Variants in PLS1 observed in about 807,000 individuals in gnomAD.
PLS1 encodes the protein plastin 1.
In PLS1, 32 loss-of-function variants were observed where a neutral mutation model predicts 73.7. That is an observed-to-expected ratio of 0.43 (90% CI 0.33 to 0.58). The LOEUF (loss-of-function observed/expected upper bound fraction) is 0.58. Ranked by LOEUF, PLS1 falls within the 20% of genes least tolerant of loss-of-function variation. The pLI is 0.04. For missense variants in PLS1, 633 were observed against 740.5 expected (o/e 0.85, Z 1.68); for synonymous variants, 217 against 261.3 (o/e 0.83, Z 1.63).
intron 14 of PLS1, among the ~76,000 whole-genome samples, chr3:142,710,590 C>A (rs1326613044): frequency 2.6e-5 from 4 of 152,104 alleles, no homozygotes; most frequent in Non-Finnish European, 5.9e-5. Flanking sequence ...ACTCCTGGAA[C>A]TATGAATGTC....
At chr3:142,633,812 C>G (rs2036619069) in intron 1 of PLS1, among the ~76,000 whole-genome samples, 1 of 152,070 alleles carries the variant, frequency 6.6e-6, no homozygotes, top group African/African-American at 2.4e-5. Flanking sequence ...TAAAAAATTA[C>G]CAGGCATGCA....
chr3:142,704,712 G>T lies in PLS1; in HGVS notation c.1629+126G>T, dbSNP rs1032172715. On this transcript the variant is annotated intron_variant, in intron 14 of 15. Transcript: ENST00000457734. Reference sequence around the variant, plus strand: ...CACCCAGGCTGGTGTGCAGTGGCGCGATCTTGGCTCACTGCAAGCTCTGCC... The same window carrying T: ...CACCCAGGCTGGTGTGCAGTGGCGCTATCTTGGCTCACTGCAAGCTCTGCC... The T allele has an allele frequency of 7.2e-5, 32 of 442,732 alleles. No individual in the cohort carries two copies. The South Asian group carries it at 9.4e-4, about 13-fold the overall frequency. The allele number at this position is 442,732 out of a possible 1,614,324, so 27.4% of individuals were successfully genotyped here.
chr3:142,648,691 A>G (rs1286241025), intron 1 of PLS1, among the ~76,000 whole-genome samples: 2 of 152,236 alleles, frequency 1.3e-5, no homozygotes, highest in African/African-American at 4.8e-5. Context: ...AGCTGTACCT[A>G]TGTTAGATAT....
chr3:142,673,189 A>G (rs1015982620), intron 4 of PLS1, among the ~76,000 whole-genome samples: 1 of 152,006 alleles, frequency 6.6e-6, no homozygotes, highest in African/African-American at 2.4e-5. Flanking sequence ...ATGCCTCCCA[A>G]ATGTGTACCA....
In PLS1 at chr3:142,697,591, T is replaced by C. The variant is rs1189154382; in HGVS notation, c.1257-362T>C. The stretch of plus-strand genomic sequence containing the variant: ...CTGCCATTTTCTTTTTAAAATTTGA[T>C]ATGTCTTGCAAAGCTTTTCATATCA... On this transcript the variant is annotated intron_variant, in intron 11 of 15. Transcript: ENST00000457734. Among the ~76,000 whole-genome samples the C allele has an allele frequency of 3.3e-5, 5 of 152,196 alleles. No individual in the cohort carries two copies. In the East Asian group the frequency reaches 9.6e-4, roughly 29 times the overall value.
chr3:142,623,921 A>G (rs1394895035), intron 1 of PLS1, among the ~76,000 whole-genome samples: 3 of 152,156 alleles, frequency 2.0e-5, no homozygotes, highest in Non-Finnish European at 4.4e-5. Flanking sequence ...ATTATTAGGA[A>G]AATGCTGAAG....
intron 12 of PLS1, 28 bp downstream of exon 12, chr3:142,698,095 T>C (rs766196959): frequency 6.7e-6 from 8 of 1,198,670 alleles, no homozygotes; most frequent in South Asian, 1.2e-5. Context: ...CATGGATATA[T>C]TGTTATTGTT....
At chr3:142,656,200 G>A (rs2037233370) in intron 1 of PLS1, among the ~76,000 whole-genome samples, 1 of 152,292 alleles carries the variant, frequency 6.6e-6, no homozygotes, top group South Asian at 2.1e-4. Flanking sequence ...GACCTCAAGT[G>A]ATCTGCCTGC....
intron 1 of PLS1, among the ~76,000 whole-genome samples, chr3:142,627,066 T>C (rs939197326): frequency 6.6e-5 from 10 of 152,252 alleles, no homozygotes; most frequent in African/African-American, 2.4e-4. Context: ...AAAGCTAATT[T>C]TGTTTCCTTT....
chr3:142,701,836 C>T (rs1577910587), intron 12 of PLS1, among the ~76,000 whole-genome samples: 1 of 152,176 alleles, frequency 6.6e-6, no homozygotes, highest in Non-Finnish European at 1.5e-5. Flanking sequence ...AATTCTCCCA[C>T]TGAACTGGGT....
chr3:142,695,761 CTTATTTAT>C (rs55888631), intron 11 of PLS1, among the ~76,000 whole-genome samples: 8,831 of 94,008 alleles, frequency 0.094, 300 homozygotes, highest in African/African-American at 0.11. Flanking sequence ...AGGAGACTTA[CTTATTTAT>C]TTATTTATTT....
At position 142,671,938 on chromosome 3, in the gene PLS1, T is replaced by C. The variant is rs182570831; in HGVS notation, c.364+816T>C. Among the ~76,000 whole-genome samples the C allele has an allele frequency of 4.6e-4, 70 of 152,246 alleles. 1 individual carries two copies. Among genetic ancestry groups the C allele is most frequent in the Admixed American group, 2.5e-3 (38 of 15,296 alleles). The stretch of plus-strand genomic sequence containing the variant: ...TCATCTATTATATGTTTTTCCTAAC[T>C]TTTTCCCACTAGGGAAGCAGCCATA... On this transcript the variant is annotated intron_variant, in intron 4 of 15. Coordinates refer to ENST00000457734, the MANE Select transcript of PLS1 (RefSeq NM_001145319.2).
intron 14 of PLS1, among the ~76,000 whole-genome samples, chr3:142,710,807 C>T (rs952239337): frequency 6.6e-6 from 1 of 152,106 alleles, no homozygotes; most frequent in African/African-American, 2.4e-5. Context: ...TGTCTGATTT[C>T]ATCTGCAGTG....
chr3:142,611,994 A>G lies in PLS1; in HGVS notation c.-37+15485A>G, dbSNP rs983046129. Among the ~76,000 whole-genome samples the G allele has an allele frequency of 2.0e-5, 3 of 152,228 alleles. No homozygotes were observed. In the East Asian group the frequency reaches 5.8e-4, roughly 29 times the overall value. Reference sequence around the variant, plus strand: ...AGACATTCTCAAGAATTCTAACTCTAAAACCAGCGCTCTCAATGACATATT... The same window carrying G: ...AGACATTCTCAAGAATTCTAACTCTGAAACCAGCGCTCTCAATGACATATT... On this transcript the variant is annotated intron_variant, in intron 1 of 15. Transcript: ENST00000457734.
chr3:142,661,861 G>A (rs2037379611), intron 1 of PLS1, among the ~76,000 whole-genome samples: 1 of 152,108 alleles, frequency 6.6e-6, no homozygotes, highest in Admixed American at 6.5e-5. Context: ...AAAAATAAGA[G>A]TTGTGGCTAC....
At chr3:142,615,574 G>A (rs2036200301) in intron 1 of PLS1, among the ~76,000 whole-genome samples, 2 of 152,058 alleles carry the variant, frequency 1.3e-5, no homozygotes, top group East Asian at 1.9e-4. Context: ...TGGTGGAGGT[G>A]GACCAGGATT....
intron 10 of PLS1, 69 bp downstream of exon 10, chr3:142,689,882 CAG>C: frequency 1.0e-6 from 1 of 984,016 alleles, no homozygotes; most frequent in East Asian, 2.6e-5. Context: ...ACTTCACTGT[CAG>C]AGATAGGGGA....
At chr3:142,610,778 T>C (rs925924654) in intron 1 of PLS1, among the ~76,000 whole-genome samples, 1 of 152,172 alleles carries the variant, frequency 6.6e-6, no homozygotes, top group South Asian at 2.1e-4. Flanking sequence ...CTTGGTTGTT[T>C]GAGCACAACT....
intron 1 of PLS1, among the ~76,000 whole-genome samples, chr3:142,598,030 C>A (rs569210533): frequency 6.6e-6 from 1 of 152,156 alleles, no homozygotes; most frequent in African/African-American, 2.4e-5. Flanking sequence ...TCCCTCTTTC[C>A]GTATTGAAGT....
Sources: allele counts gnomAD v4.1 joint callset (sites outside exome capture counted in the v4.1 genomes callset), GRCh38; gene constraint gnomAD v4.1.1; transcripts MANE v1.5; gene names NCBI Gene and HGNC (gene_info 2026-07-23, HGNC 2026-07-21).